APBB2: variants seen among roughly 807,000 people sequenced by gnomAD.
The protein encoded by APBB2 is Fe65-like 1.
A neutral mutation model predicts 82.5 loss-of-function variants in APBB2; 38 were observed. The ratio of observed to expected loss-of-function variants is 0.46; its 90% CI spans 0.36 to 0.60. The LOEUF (loss-of-function observed/expected upper bound fraction) is 0.60, where lower values mean the gene tolerates loss of function less well. Ranked by LOEUF, APBB2 falls within the 20% of genes least tolerant of loss-of-function variation. APBB2 has a pLI of 0.00. For missense variants in APBB2, 772 were observed against 972.3 expected, an observed-to-expected ratio of 0.79 and a Z score of 2.74; for synonymous variants, 341 against 368.2, an observed-to-expected ratio of 0.93 and a Z score of 0.85.
chr4:41,051,237 T>C (rs192584494), intron 4 of APBB2, among the ~76,000 whole-genome samples: 1 of 152,310 alleles, frequency 6.6e-6, no homozygotes, highest in Admixed American at 6.5e-5. Flanking sequence ...GAATTCTAAG[T>C]GCCTCAGCCA....
rs1372745166 is a variant in APBB2, at chr4:40,822,231, C to T, written c.1933-181G>A. The T allele has an allele frequency of 7.8e-6, 5 of 643,432 alleles. No individual in the cohort carries two copies. The East Asian group carries it at 1.4e-4, about 18-fold the overall frequency. The allele number at this position is 643,432 out of a possible 1,614,324, so 39.9% of individuals were successfully genotyped here. ...AAGAGGCCATCACTGCATGGCTACCCTGTTCTGGAGGTCATTCTTGCTCTG... is the reference window on the plus strand; with the variant it reads ...AAGAGGCCATCACTGCATGGCTACCTTGTTCTGGAGGTCATTCTTGCTCTG... On this transcript the variant is annotated intron_variant, in intron 16 of 17. Coordinates refer to ENST00000508593, the MANE Select transcript of APBB2 (RefSeq NM_004307.2).
In APBB2 at chr4:40,827,951, C is replaced by G. The variant is rs58476379; in HGVS notation, c.1645-732G>C. Among the ~76,000 whole-genome samples the G allele has an allele frequency of 1.4e-3, 217 of 152,218 alleles. 3 individuals are homozygous for G. The East Asian group carries it at 0.02, about 14-fold the overall frequency. On this transcript the variant is annotated intron_variant, in intron 13 of 17. Coordinates refer to ENST00000508593, the MANE Select transcript of APBB2 (RefSeq NM_004307.2). ...GGGCAGTTTTCCCCCATACTGTTCT[C>G]GTGGTGGTGAGTAAGTCCCACAAGA...
intron 13 of APBB2, 58 bp downstream of exon 13, chr4:40,830,405 C>A (rs1751471933): frequency 4.0e-6 from 5 of 1,263,350 alleles, no homozygotes; most frequent in Non-Finnish European, 4.6e-6. Context: ...CTTCCACATC[C>A]TTTTATGCAG....
intron 2 of APBB2, among the ~76,000 whole-genome samples, chr4:41,136,275 G>A (rs1757535115): frequency 6.6e-6 from 1 of 152,140 alleles, no homozygotes; most frequent in African/African-American, 2.4e-5. Context: ...ACTCCTCATG[G>A]AGTCATTCTG....
chr4:40,902,745 G>A (rs1293744639), intron 10 of APBB2, among the ~76,000 whole-genome samples: 1 of 152,150 alleles, frequency 6.6e-6, no homozygotes, highest in Non-Finnish European at 1.5e-5. Context: ...GCCCAGGCTG[G>A]TTTCAAGCTC....
rs1799220488 is a variant in APBB2, at chr4:40,982,400, GGAA to G, written c.835+31180_835+31182del. 1.9e-4 allele frequency among the ~76,000 whole-genome samples: 3 copies of G among 16,046 alleles called. 1 individual carries two copies. The highest frequency in any genetic ancestry group is 4.0e-4 in the African/African-American group (2 of 5,038). The allele number at this position is 16,046 out of a possible 152,430, so 10.5% of individuals were successfully genotyped here. ...GAAGGAAGGAAGGAAGGAAAGGAAA[GGAA>G]AGAAAGAAAGAAAGAAAGAAAGAAA... On this transcript the variant is annotated intron_variant, in intron 6 of 17. Coordinates refer to ENST00000508593, the MANE Select transcript of APBB2 (RefSeq NM_004307.2).
intron 2 of APBB2, among the ~76,000 whole-genome samples, chr4:41,125,249 T>C (rs1195338993): frequency 6.6e-6 from 1 of 152,218 alleles, no homozygotes; most frequent in African/African-American, 2.4e-5. Flanking sequence ...ATAGTCTCAT[T>C]CCTCTTACAT....
chr4:41,211,521 T>C (rs765101827), intron 1 of APBB2, among the ~76,000 whole-genome samples: 29 of 151,948 alleles, frequency 1.9e-4, no homozygotes, highest in Non-Finnish European at 2.1e-4. Context: ...CTCACCCTTT[T>C]GCCCAGGCTG....
At chr4:40,961,901 A>T (rs1793406402) in intron 6 of APBB2, among the ~76,000 whole-genome samples, 1 of 152,164 alleles carries the variant, frequency 6.6e-6, no homozygotes, top group Admixed American at 6.5e-5. Flanking sequence ...TTTTTTCACA[A>T]ACTTCAAGAA....
intron 10 of APBB2, among the ~76,000 whole-genome samples, chr4:40,920,284 G>A (rs578059918): frequency 3.3e-5 from 5 of 152,122 alleles, no homozygotes; most frequent in African/African-American, 7.2e-5. Context: ...TGTGCCTTTC[G>A]CCTTCTGCCA....
At chr4:41,119,130 C>T (rs1395895812) in intron 2 of APBB2, among the ~76,000 whole-genome samples, 1 of 133,698 alleles carries the variant, frequency 7.5e-6, no homozygotes, top group Non-Finnish European at 1.6e-5. Flanking sequence ...CAGAGTGAGG[C>T]CTGTCTCAAA....
rs1211747740 is a variant in APBB2, at chr4:40,982,362, G to A, written c.835+31221C>T. On this transcript the variant is annotated intron_variant, in intron 6 of 17. Transcript: ENST00000508593. ...AGGAAGGAAGGAAGGAAGGAAGGAA[G>A]GAAGGAAGGAAGGAAGGAAGGAAGG... Among the ~76,000 whole-genome samples, 56 of 15,188 alleles carry A rather than the reference G, an allele frequency of 3.7e-3. 5 individuals are homozygous for A. The highest frequency in any genetic ancestry group is 0.027 in the East Asian group (10 of 368). The allele number at this position is 15,188 out of a possible 152,430, so 10.0% of individuals were successfully genotyped here. A position where few individuals can be genotyped will look rare whatever the true frequency, so the allele number is the denominator to read the frequency against.
intron 6 of APBB2, among the ~76,000 whole-genome samples, chr4:40,977,263 T>G (rs2154401277): frequency 1.3e-5 from 2 of 152,214 alleles, no homozygotes; most frequent in South Asian, 4.1e-4. Context: ...TTTATTTTAT[T>G]CTTAGTAAAT....
intron 4 of APBB2, among the ~76,000 whole-genome samples, chr4:41,043,580 A>G (rs554066415): frequency 6.6e-6 from 1 of 152,356 alleles, no homozygotes; most frequent in East Asian, 1.9e-4. Context: ...CAAATAGCTT[A>G]CTACAAAGAA....
intron 7 of APBB2, among the ~76,000 whole-genome samples, chr4:40,944,553 C>A (rs1483017654): frequency 6.6e-6 from 1 of 152,156 alleles, no homozygotes; most frequent in African/African-American, 2.4e-5. Flanking sequence ...TGCAATGGTA[C>A]CTGCAGAGTA....
chr4:41,124,715 A>G (rs1233989343), intron 2 of APBB2, among the ~76,000 whole-genome samples: 1 of 152,178 alleles, frequency 6.6e-6, no homozygotes, highest in African/African-American at 2.4e-5. Context: ...ACATGGAATA[A>G]ATGCATTTGT....
At chr4:40,894,767 A>G (rs1452891376) in intron 10 of APBB2, among the ~76,000 whole-genome samples, 2 of 152,224 alleles carry the variant, frequency 1.3e-5, no homozygotes, top group Admixed American at 1.3e-4. Flanking sequence ...GCTGTTTATT[A>G]TAACAAGTAA....
At chr4:41,170,574 C>A (rs1320869143) in intron 1 of APBB2, among the ~76,000 whole-genome samples, 1 of 152,208 alleles carries the variant, frequency 6.6e-6, no homozygotes, top group Non-Finnish European at 1.5e-5. Context: ...GCCCAGTACT[C>A]TTCAGAAAAG....
chr4:41,019,628 G>C (rs923183339), intron 5 of APBB2, among the ~76,000 whole-genome samples: 46 of 152,146 alleles, frequency 3.0e-4, no homozygotes, highest in African/African-American at 1.1e-3. Context: ...AGATGAGGGT[G>C]CACCCTGGGA....
Sources: gnomAD v4.1 joint callset for allele counts (sites outside exome capture counted in the v4.1 genomes callset) on GRCh38, gnomAD v4.1.1 for gene constraint, MANE v1.5 for transcripts, NCBI Gene and HGNC (gene_info 2026-07-23, HGNC 2026-07-21) for gene names.